Variants in PCYOX1L observed in about 807,000 individuals in gnomAD.
The protein encoded by PCYOX1L is prenylcysteine oxidase 1 like, also known as prenylcysteine oxidase 1-like.
A neutral mutation model predicts 44.1 loss-of-function variants in PCYOX1L; 40 were observed. That is an observed-to-expected ratio of 0.91 (90% CI 0.70 to 1.18). PCYOX1L has a LOEUF of 1.18. Ranked by LOEUF, PCYOX1L falls within the 50% of genes most tolerant of loss-of-function variation. The pLI is 0.00. For synonymous variants in PCYOX1L, 266 were observed against 282.8 expected, an observed-to-expected ratio of 0.94 and a Z score of 0.60; for missense variants, 605 against 653.3, an observed-to-expected ratio of 0.93 and a Z score of 0.81.
chr5:149,365,913 C>G (rs746443154), intron 3 of PCYOX1L, 29 bp from the exon 4 acceptor site: 1 of 1,611,824 alleles, frequency 6.2e-7, no homozygotes, highest in Non-Finnish European at 8.5e-7. Flanking sequence ...CCTTCCTGCA[C>G]AAGGACTCCA....
Position 149,366,176 on chromosome 5 carries a change from G to T in PCYOX1L, c.682+23G>T. The T allele has an allele frequency of 2.5e-6, 4 of 1,601,684 alleles. No homozygotes were observed. In the African/African-American group the frequency reaches 4.0e-5, roughly 16 times the overall value. ...CAGGTAAGCGTCCAACCCTTGGCCT[G>T]CCCACCTGCCCCTCCTCCACCCAAG... On this transcript the variant is annotated intron_variant, in intron 4 of 5. Coordinates refer to ENST00000274569, the MANE Select transcript of PCYOX1L (RefSeq NM_024028.4).
intron 5 of PCYOX1L, 100 bp from the exon 6 acceptor site, chr5:149,367,893 G>C (rs1332634874): frequency 3.4e-5 from 45 of 1,306,418 alleles, no homozygotes; most frequent in Non-Finnish European, 4.6e-5. Flanking sequence ...GCTGCACCCT[G>C]AGCACCAGGG....
chr5:149,367,947 G>A, intron 5 of PCYOX1L, 46 bp from the exon 6 acceptor site: 1 of 1,516,478 alleles, frequency 6.6e-7, no homozygotes, highest in Non-Finnish European at 8.8e-7. Context: ...GAGTTCAGTG[G>A]GTAGAAGCCA....
In PCYOX1L at chr5:149,362,637, C is replaced by T. The variant is rs200980775; in HGVS notation, c.89C>T (p.Ala30Val). 1.6e-5 allele frequency: 26 copies of T among 1,613,990 alleles called. No homozygotes were observed. The Middle Eastern group carries it at 8.3e-4, about 52-fold the overall frequency. ...CCCTACCTCCCGGGCCTGCTGACAG[C>T]GGTGGTTGGGGCTGGGATTGGGGGC... ...AGGDAPPGKI[A>V]VVGAGIGGSA... The change falls in exon 2 of 6, where the codon GCG becomes GTG. Residue 30 changes from alanine (A) to valine (V), a missense_variant and splice_region_variant. Physicochemically the swap from Ala to Val is moderately conservative, Grantham distance 64. Coordinates refer to ENST00000274569, the MANE Select transcript of PCYOX1L (RefSeq NM_024028.4).
At chr5:149,363,266 A>G in intron 2 of PCYOX1L, 1 of 356,516 alleles carries the variant, frequency 2.8e-6, no homozygotes, top group African/African-American at 2.1e-5. Context: ...TAAAGCCATT[A>G]CAGCGAGAGG....
chr5:149,363,251 T>G (rs1758071890), intron 2 of PCYOX1L: 1 of 361,340 alleles, frequency 2.8e-6, no homozygotes, highest in Non-Finnish European at 5.4e-6. Context: ...TGTATAGATT[T>G]AAGCTAAAGC....
chr5:149,369,318 G>A lies in PCYOX1L; in HGVS notation c.*664G>A, dbSNP rs1468281849. 1 of 152,164 alleles carries A rather than the reference G, an allele frequency of 6.6e-6. No homozygotes were observed. Among genetic ancestry groups the A allele is most frequent in the African/African-American group, 2.4e-5 (1 of 41,440 alleles). The allele number at this position is 152,164 out of a possible 1,614,324, so 9.4% of individuals were successfully genotyped here. A position where few individuals can be genotyped will look rare whatever the true frequency, so the allele number is the denominator to read the frequency against. Reference sequence around the variant, plus strand: ...ATCTCCAAGCTTCCTGGCAACCAGTGGGAAAAGAAACATGCGAGGCTGTAG... The same window carrying A: ...ATCTCCAAGCTTCCTGGCAACCAGTAGGAAAAGAAACATGCGAGGCTGTAG... On this transcript the variant is annotated 3_prime_UTR_variant, in exon 6 of 6. Transcript: ENST00000274569.
chr5:149,368,444 T>G lies in PCYOX1L; in HGVS notation c.1275T>G (p.His425Gln). The change falls in exon 6 of 6, where the codon CAT (histidine) becomes CAG (glutamine). Residue 425 changes from histidine (H) to glutamine (Q), a missense_variant. Transcript: ENST00000274569. Reference protein sequence around the residue: ...YSVQTAEWQAHPLYGSRPTLP... With the variant: ...YSVQTAEWQAQPLYGSRPTLP... ...TGCAGACAGCTGAGTGGCAGGCCCA[T>G]CCCCTCTATGGCTCCCGCCCCACGC... is the stretch of plus-strand genomic sequence containing the variant. 1.9e-6 allele frequency: 3 copies of G among 1,613,942 alleles called. No individual in the cohort carries two copies. In the South Asian group the frequency reaches 3.3e-5, roughly 18 times the overall value.
chr5:149,365,594 G>A, intron 3 of PCYOX1L: 1 of 295,054 alleles, frequency 3.4e-6, no homozygotes, highest in Non-Finnish European at 6.5e-6. Flanking sequence ...TGGAGAAGGA[G>A]ATGTGTCAGC....
intron 3 of PCYOX1L, chr5:149,365,348 A>C (rs537047098): frequency 6.5e-6 from 1 of 153,044 alleles, no homozygotes; most frequent in African/African-American, 2.4e-5. Context: ...AAGAAGCCCT[A>C]GAATGGGCAA....
chr5:149,358,049 C>G lies in PCYOX1L; in HGVS notation c.-20C>G, dbSNP rs770088922. On this transcript the variant is annotated 5_prime_UTR_variant, in exon 1 of 6. Transcript: ENST00000274569. ...CCCGCTAGCGCCTGAATCCGGCGTG[C>G]TGCCCGCTCGCCGCCCGCCATGGCC... 3.0e-6 allele frequency: 4 copies of G among 1,325,650 alleles called. No individual in the cohort carries two copies. In the South Asian group the frequency reaches 6.1e-5, roughly 20 times the overall value. The allele number at this position is 1,325,650 out of a possible 1,614,324, so 82.1% of individuals were successfully genotyped here.
intron 2 of PCYOX1L, 91 bp downstream of exon 2, chr5:149,362,934 CAGA>C: frequency 7.2e-7 from 1 of 1,395,146 alleles, no homozygotes; most frequent in Non-Finnish European, 1.0e-6. Flanking sequence ...CCATCAAGGC[CAGA>C]AGGTCATGTG....
intron 4 of PCYOX1L, 47 bp downstream of exon 4, chr5:149,366,200 A>C: frequency 1.4e-5 from 22 of 1,586,848 alleles, no homozygotes; most frequent in East Asian, 4.5e-5. Flanking sequence ...CCTCCACCCA[A>C]GGTGCTCAGA....
chr5:149,358,295 C>T (rs867690134), intron 1 of PCYOX1L, 139 bp downstream of exon 1: 15 of 1,216,102 alleles, frequency 1.2e-5, no homozygotes, highest in Non-Finnish European at 1.2e-5. Flanking sequence ...GGAGGAGAGG[C>T]GCCGAAGGGG....
intron 2 of PCYOX1L, chr5:149,363,494 A>C (rs1245938015): frequency 4.4e-6 from 1 of 227,250 alleles, no homozygotes; most frequent in Non-Finnish European, 8.8e-6. Context: ...GTATAACTAC[A>C]CAATAGGCTG....
intron 1 of PCYOX1L, among the ~76,000 whole-genome samples, chr5:149,359,999 G>A (rs1180613175): frequency 3.3e-5 from 5 of 152,176 alleles, no homozygotes; most frequent in African/African-American, 9.6e-5. Context: ...CAGAGTGTGC[G>A]TGTCCTCTCA....
intron 2 of PCYOX1L, chr5:149,363,046 C>G (rs1758064249): frequency 1.4e-6 from 1 of 715,264 alleles, no homozygotes; most frequent in Non-Finnish European, 2.5e-6. Context: ...GGGATTAGAA[C>G]TCAGGTTTGA....
Position 149,367,994 on chromosome 5 carries a change from G to A in PCYOX1L, c.825G>A (p.Glu275=), listed in dbSNP as rs1222022679. 10 of 1,523,966 alleles carry A rather than the reference G, an allele frequency of 6.6e-6. No individual in the cohort carries two copies. The highest frequency in any genetic ancestry group is 2.8e-5 in the African/African-American group (2 of 71,734). 94.4% of individuals were successfully genotyped at this position (1,523,966 alleles called of 1,614,324 possible). Residue 275 remains glutamate, a splice_region_variant and synonymous_variant, in exon 6 of 6, where the codon GAG becomes GAA. Transcript: ENST00000274569. The part of the protein sequence containing the change: ...TVTSVTLHST[E]GKALYQVAYE... ...ACTTTTGTGCTCTTTTCTTTCCAGA[G>A]GGGAAAGCCCTGTACCAGGTGGCGT...
Position 149,367,311 on chromosome 5 carries a change from G to A in PCYOX1L, c.683-49G>A, listed in dbSNP as rs768400402. On this transcript the variant is annotated intron_variant, in intron 4 of 5. Transcript: ENST00000274569. ...TAGTACTGGACTCCCCAGCCCTCCT[G>A]CCCCACGGCCCTGACAACCTATCAG... The A allele has an allele frequency of 1.9e-6, 3 of 1,574,242 alleles. No homozygotes were observed. The Admixed American group carries it at 5.7e-5, about 30-fold the overall frequency.
Sources: allele counts gnomAD v4.1 joint callset (sites outside exome capture counted in the v4.1 genomes callset), GRCh38; gene constraint gnomAD v4.1.1; transcripts MANE v1.5; gene names NCBI Gene and HGNC (gene_info 2026-07-23, HGNC 2026-07-21).